SLC14A2: variants seen among roughly 807,000 people sequenced by gnomAD.
SLC14A2 encodes solute carrier family 14 member 2, also known as urea transporter 2.
A neutral mutation model predicts 104.6 loss-of-function variants in SLC14A2; 91 were observed. The ratio of observed to expected loss-of-function variants is 0.87; its 90% CI spans 0.73 to 1.04. SLC14A2 has a LOEUF of 1.04. SLC14A2 is among the 50% of genes least tolerant of loss of function. The pLI is 0.00. For missense variants in SLC14A2, 1,189 were observed against 1,156.0 expected, an observed-to-expected ratio of 1.03 and a Z score of -0.41; for synonymous variants, 476 against 466.4, an observed-to-expected ratio of 1.02 and a Z score of -0.27.
At chr18:45,324,957 T>A (rs971828664) in intron 1 of SLC14A2, among the ~76,000 whole-genome samples, 1 of 152,104 alleles carries the variant, frequency 6.6e-6, no homozygotes. Context: ...CGTTTTTCAC[T>A]CCTCCCTGAT....
At chr18:45,411,990 C>T (rs2086220350) in intron 1 of SLC14A2, among the ~76,000 whole-genome samples, 2 of 152,150 alleles carry the variant, frequency 1.3e-5, no homozygotes, top group South Asian at 4.2e-4. Flanking sequence ...AGTCTGAATC[C>T]GTCCATAGGA....
At chr18:45,546,664 C>A (rs2043974910) in intron 2 of SLC14A2, among the ~76,000 whole-genome samples, 1 of 152,232 alleles carries the variant, frequency 6.6e-6, no homozygotes, top group Non-Finnish European at 1.5e-5. Context: ...GATTTCAAAT[C>A]TATCACTCAC....
At chr18:45,308,553 C>G (rs1042619378) in intron 1 of SLC14A2, among the ~76,000 whole-genome samples, 3 of 152,196 alleles carry the variant, frequency 2.0e-5, no homozygotes, top group Admixed American at 1.3e-4. Context: ...GGTTACCTCT[C>G]CAGCCACTCG....
At chr18:45,576,334 A>T (rs2144349129) in intron 2 of SLC14A2, among the ~76,000 whole-genome samples, 1 of 128,300 alleles carries the variant, frequency 7.8e-6, no homozygotes, top group South Asian at 2.6e-4. Flanking sequence ...CCCAGGCTGG[A>T]GTACAATGGC....
intron 1 of SLC14A2, among the ~76,000 whole-genome samples, chr18:45,426,349 C>G (rs1480767586): frequency 6.6e-6 from 1 of 151,940 alleles, no homozygotes; most frequent in Non-Finnish European, 1.5e-5. Flanking sequence ...AGTGCGTAAT[C>G]GTGATTTTTC....
At chr18:45,654,352 G>A (rs1568315961) in intron 10 of SLC14A2, among the ~76,000 whole-genome samples, 1 of 152,102 alleles carries the variant, frequency 6.6e-6, no homozygotes, top group Non-Finnish European at 1.5e-5. Context: ...TGAAGTTGAG[G>A]ACCAGAGACG....
At chr18:45,317,705 C>T (rs1275367651) in intron 1 of SLC14A2, among the ~76,000 whole-genome samples, 1 of 152,174 alleles carries the variant, frequency 6.6e-6, no homozygotes, top group Non-Finnish European at 1.5e-5. Flanking sequence ...GCTGTGTTCC[C>T]CAGCTTTTGC....
chr18:45,245,363 C>A (rs1249949660), intron 1 of SLC14A2, among the ~76,000 whole-genome samples: 1 of 152,222 alleles, frequency 6.6e-6, no homozygotes, highest in Non-Finnish European at 1.5e-5. Context: ...ACTGTGTTCT[C>A]TGTGTTGCAG....
Position 45,382,376 on chromosome 18 carries a change from A to G in SLC14A2, c.-124-100857A>G, listed in dbSNP as rs566694950. On this transcript the variant is annotated intron_variant, in intron 1 of 20. Coordinates refer to the SLC14A2 transcript ENST00000586448. ...TACATGGCAGAATCTATTGAGCAGT[A>G]TAATGGGGGTCAAGGACAATGGGAT... is the stretch of plus-strand genomic sequence containing the variant. 2.6e-5 allele frequency among the ~76,000 whole-genome samples: 4 copies of G among 152,340 alleles called. No homozygotes were observed. The East Asian group carries it at 7.7e-4, about 29-fold the overall frequency.
chr18:45,273,603 C>A (rs546534450), intron 1 of SLC14A2, among the ~76,000 whole-genome samples: 14 of 152,044 alleles, frequency 9.2e-5, no homozygotes, highest in Admixed American at 7.9e-4. Flanking sequence ...AAAGGAGTGG[C>A]CAAGAGGAGA....
chr18:45,422,147 C>T (rs1438929030), intron 1 of SLC14A2, among the ~76,000 whole-genome samples: 2 of 152,096 alleles, frequency 1.3e-5, no homozygotes, highest in African/African-American at 4.8e-5. Flanking sequence ...GGTTTCTGAG[C>T]AGGGGAGTAG....
chr18:45,414,757 A>AATATATATATATATATAT (rs71177674), intron 1 of SLC14A2, among the ~76,000 whole-genome samples: 30 of 76,024 alleles, frequency 3.9e-4, no homozygotes, highest in African/African-American at 1.1e-3. Flanking sequence ...AAAAAAAAAA[A>AATATATATATATATATAT]ATATATATAT....
chr18:45,222,847 C>T (rs553306046), intron 1 of SLC14A2, among the ~76,000 whole-genome samples: 120 of 152,262 alleles, frequency 7.9e-4, no homozygotes, highest in African/African-American at 2.8e-3. Flanking sequence ...ATTTATGGGG[C>T]TTGGATAGTG....
At chr18:45,396,554 GTTTC>G (rs2086033073) in intron 1 of SLC14A2, among the ~76,000 whole-genome samples, 1 of 149,198 alleles carries the variant, frequency 6.7e-6, no homozygotes, top group African/African-American at 2.5e-5. Context: ...CCATTTATTT[GTTTC>G]TTTATTTGTA....
chr18:45,450,837 G>A (rs1038933872), intron 1 of SLC14A2, among the ~76,000 whole-genome samples: 1 of 152,206 alleles, frequency 6.6e-6, no homozygotes, highest in Non-Finnish European at 1.5e-5. Flanking sequence ...GTAACACCAG[G>A]AGACAAATGG....
At chr18:45,191,645 G>A in the SLC14A2 span, among the ~76,000 whole-genome samples, 4 of 152,276 alleles carry the variant, frequency 2.6e-5, no homozygotes, top group Admixed American at 6.5e-5. Context: ...GTCCCCTGGG[G>A]GGGAAATTCT....
intron 1 of SLC14A2, among the ~76,000 whole-genome samples, chr18:45,403,468 C>T (rs1055686938): frequency 6.6e-6 from 1 of 152,138 alleles, no homozygotes; most frequent in Non-Finnish European, 1.5e-5. Flanking sequence ...GGTGCTCCAT[C>T]GCTGTGGGCC....
upstream of SLC14A2, among the ~76,000 whole-genome samples, chr18:45,611,516 C>T (rs1318954513): frequency 6.6e-6 from 1 of 152,142 alleles, no homozygotes; most frequent in East Asian, 1.9e-4. Context: ...AAAGGAAGAC[C>T]CAGCTTCACA....
At chr18:45,384,705 C>G (rs1175080398) in intron 1 of SLC14A2, among the ~76,000 whole-genome samples, 1 of 152,128 alleles carries the variant, frequency 6.6e-6, no homozygotes, top group East Asian at 1.9e-4. Context: ...GCATTGCCCC[C>G]ACAGTGGTGA....
Sources: allele counts gnomAD v4.1 joint callset (sites outside exome capture counted in the v4.1 genomes callset), GRCh38; gene constraint gnomAD v4.1.1; transcripts MANE v1.5; gene names NCBI Gene and HGNC (gene_info 2026-07-23, HGNC 2026-07-21).